Variants in ZNF236 observed in about 807,000 individuals in gnomAD.
The protein encoded by ZNF236 is zinc finger protein 236.
ZNF236 carries 50 observed loss-of-function variants against 191.2 expected under a neutral mutation model. That is an observed-to-expected ratio of 0.26 (90% CI 0.21 to 0.33). ZNF236 has a LOEUF of 0.33. Among genes scored for constraint, ZNF236 ranks in the 10% least tolerant of loss-of-function variants. The pLI, the probability that ZNF236 is intolerant of heterozygous loss-of-function variation, is 1.00. For missense variants in ZNF236, 1,754 were observed against 2,374.5 expected (o/e 0.74, Z 5.43); for synonymous variants, 907 against 928.8 (o/e 0.98, Z 0.43).
chr18:76,911,236 C>G (rs1568226007), intron 16 of ZNF236, among the ~76,000 whole-genome samples: 1 of 152,114 alleles, frequency 6.6e-6, no homozygotes. Context: ...TCTCTTACTC[C>G]TGGTTGGAGA....
chr18:76,895,985 G>C (rs566394007), intron 10 of ZNF236, among the ~76,000 whole-genome samples: 1 of 151,320 alleles, frequency 6.6e-6, no homozygotes, highest in Non-Finnish European at 1.5e-5. Context: ...CTGCAGCCAC[G>C]TGGGCACTGG....
rs139426012 is a variant in ZNF236, at chr18:76,866,892, C to T, written c.364-1793C>T. ...AGAAAGCAGAAAGACAGTGATGTAG[C>T]CGTCTGTAAGCTGGCAGGTCTTGGC... On this transcript the variant is annotated intron_variant, in intron 3 of 30. Transcript: ENST00000320610. Among the ~76,000 whole-genome samples the T allele has an allele frequency of 5.9e-4, 90 of 152,244 alleles. 1 individual carries two copies. In the East Asian group the frequency reaches 0.014, roughly 24 times the overall value.
At chr18:76,822,961 C>A (rs908396560) in intron 1 of ZNF236, among the ~76,000 whole-genome samples, 1 of 148,588 alleles carries the variant, frequency 6.7e-6, no homozygotes, top group African/African-American at 2.4e-5. Flanking sequence ...CTGCGCGCGC[C>A]CTGCCCCCGC....
intron 16 of ZNF236, 63 bp downstream of exon 16, chr18:76,910,874 T>C (rs1967201149): frequency 1.3e-6 from 2 of 1,559,668 alleles, no homozygotes; most frequent in African/African-American, 2.7e-5. Flanking sequence ...TATTCTTCAC[T>C]GTCATTATTA....
At chr18:76,867,220 T>A (rs145375447) in intron 3 of ZNF236, among the ~76,000 whole-genome samples, 1 of 65,782 alleles carries the variant, frequency 1.5e-5, no homozygotes, top group Admixed American at 2.1e-4. Context: ...CATTCAGGAC[T>A]GCAGAGGTTT....
intron 10 of ZNF236, among the ~76,000 whole-genome samples, chr18:76,897,821 G>A (rs1489562961): frequency 6.6e-6 from 1 of 152,220 alleles, no homozygotes; most frequent in Non-Finnish European, 1.5e-5. Flanking sequence ...TTGAGTCACA[G>A]CACCTGGGGG....
intron 5 of ZNF236, among the ~76,000 whole-genome samples, chr18:76,873,957 G>C (rs1976647989): frequency 6.7e-6 from 1 of 149,854 alleles, no homozygotes. Context: ...CTGCCCGCCT[G>C]TCCTCCTCTC....
chr18:76,893,696 A>AT (rs1977315205), intron 9 of ZNF236, among the ~76,000 whole-genome samples: 1 of 152,142 alleles, frequency 6.6e-6, no homozygotes, highest in Admixed American at 6.5e-5. Context: ...TTTTTTCTCA[A>AT]GAGATGGAAT....
rs868705445 is a variant in ZNF236, at chr18:76,909,758, A to G, written c.2552-310A>G. Among the ~76,000 whole-genome samples the G allele has an allele frequency of 1.8e-4, 27 of 152,342 alleles. 1 individual carries two copies. Among genetic ancestry groups the G allele is most frequent in the Admixed American group, 4.6e-4 (7 of 15,310 alleles). ...TGGGGAGGATTATACACTTACCCCT[A>G]TGGTGCCTGCAACCATGCACACGCA... On this transcript the variant is annotated intron_variant, in intron 14 of 30. Transcript: ENST00000320610.
intron 20 of ZNF236, among the ~76,000 whole-genome samples, chr18:76,921,855 TTTC>T (rs1967546342): frequency 6.6e-6 from 1 of 151,248 alleles, no homozygotes; most frequent in African/African-American, 2.4e-5. Flanking sequence ...ATAGCTGTGT[TTTC>T]TTCTTCTTGT....
Position 76,925,096 on chromosome 18 carries a change from A to G in ZNF236, c.3662-93A>G, listed in dbSNP as rs1161499670. 54 of 1,522,456 alleles carry G rather than the reference A, an allele frequency of 3.5e-5. No individual in the cohort carries two copies. The highest frequency in any genetic ancestry group is 4.3e-5 in the Non-Finnish European group (49 of 1,136,882). The allele number at this position is 1,522,456 out of a possible 1,614,324, so 94.3% of individuals were successfully genotyped here. A position where few individuals can be genotyped will look rare whatever the true frequency, so the allele number is the denominator to read the frequency against. ...TAAAGTACTTCCATCCACTGATTCA[A>G]CATATTTACATCCATAGTGACAGCT... On this transcript the variant is annotated intron_variant, in intron 21 of 30. Transcript: ENST00000320610. This position sits in a 1 kb window ranked among gnomAD's most constrained non-coding sequence, Gnocchi z 5.7.
At position 76,968,806 on chromosome 18, in the gene ZNF236, A is replaced by G. The variant is rs1968848288; in HGVS notation, c.*467A>G. On this transcript the variant is annotated 3_prime_UTR_variant, in exon 31 of 31. Coordinates refer to ENST00000320610, the MANE Select transcript of ZNF236 (RefSeq NM_001306089.2). ...TTCAGAAAAAAAAGTGTTACAACAC[A>G]CAGGGAAGTTTTTTCCACTCTTTTC... 1.0e-6 allele frequency: 1 copy of G among 987,768 alleles called. No homozygotes were observed. The highest frequency in any genetic ancestry group is 1.7e-5 in the African/African-American group (1 of 57,258). 61.2% of individuals were successfully genotyped at this position (987,768 alleles called of 1,614,324 possible).
At chr18:76,900,502 G>A (rs1290640064) in intron 11 of ZNF236, among the ~76,000 whole-genome samples, 1 of 152,056 alleles carries the variant, frequency 6.6e-6, no homozygotes, top group Non-Finnish European at 1.5e-5. Flanking sequence ...CTAGGATACA[G>A]AAAAATTTCA....
At chr18:76,829,500 G>A (rs768668197) in intron 1 of ZNF236, among the ~76,000 whole-genome samples, 17 of 151,998 alleles carry the variant, frequency 1.1e-4, no homozygotes, top group Non-Finnish European at 2.1e-4. Flanking sequence ...GCTAATTTTT[G>A]TATTTTTTGT....
chr18:76,937,408 A>C, intron 26 of ZNF236, 65 bp downstream of exon 26: 1 of 1,372,330 alleles, frequency 7.3e-7, no homozygotes, highest in Non-Finnish European at 9.7e-7. Flanking sequence ...AACATTATTC[A>C]TTGACTCCTT....
chr18:76,924,005 C>G lies in ZNF236; in HGVS notation c.3661+831C>G, dbSNP rs550946711. Among the ~76,000 whole-genome samples, 5 of 152,182 alleles carry G rather than the reference C, an allele frequency of 3.3e-5. No individual in the cohort carries two copies. The South Asian group carries it at 1.0e-3, about 32-fold the overall frequency. ...TACATTCTTCATTGTTGGTTATAAG[C>G]AGAATTCAACAGACAAGAACAAATG... On this transcript the variant is annotated intron_variant, in intron 21 of 30. Transcript: ENST00000320610.
At chr18:76,847,716 G>A (rs1462053082) in intron 1 of ZNF236, among the ~76,000 whole-genome samples, 3 of 152,016 alleles carry the variant, frequency 2.0e-5, no homozygotes, top group East Asian at 1.9e-4. Context: ...TGTTCCACCC[G>A]CCTTGGCCTC....
intron 25 of ZNF236, chr18:76,936,073 A>C (rs1967989036): frequency 2.2e-6 from 1 of 456,874 alleles, no homozygotes; most frequent in Non-Finnish European, 4.4e-6. Context: ...TAAGTAACCT[A>C]GTTTTCCTGT....
chr18:76,837,121 A>ACCCCCC (rs1257822007), intron 1 of ZNF236, among the ~76,000 whole-genome samples: 29 of 32,752 alleles, frequency 8.9e-4, no homozygotes, highest in Non-Finnish European at 1.7e-3. Flanking sequence ...AGTGATCCGC[A>ACCCCCC]CCCCCTCCCC....
Sources: gnomAD v4.1 joint callset for allele counts (sites outside exome capture counted in the v4.1 genomes callset) on GRCh38, gnomAD v4.1.1 for gene constraint, Gnocchi (gnomAD v3.1) non-coding constraint, MANE v1.5 for transcripts, NCBI Gene and HGNC (gene_info 2026-07-23, HGNC 2026-07-21) for gene names.